Variants in MACROD2 observed in about 807,000 individuals in gnomAD.
The protein encoded by MACROD2 is ADP-ribose glycohydrolase MACROD2.
A neutral mutation model predicts 70.4 loss-of-function variants in MACROD2; 36 were observed. The observed-to-expected ratio is 0.51, with a 90% confidence interval of 0.39 to 0.68. MACROD2 has a LOEUF of 0.68. Ranked by LOEUF, MACROD2 falls within the 30% of genes least tolerant of loss-of-function variation. The pLI is 0.00. For synonymous variants in MACROD2, 172 were observed against 178.8 expected (o/e 0.96, Z 0.30); for missense variants, 496 against 538.4 (o/e 0.92, Z 0.78).
At chr20:15,967,698 A>AAT (rs1325444391) in intron 13 of MACROD2, 68 bp downstream of exon 13, 55 of 1,361,852 alleles carry the variant, frequency 4.0e-5, no homozygotes, top group Non-Finnish European at 4.0e-6. Context: ...AAAAAAAAAA[A>AAT]AAACCCACAG....
chr20:15,455,037 A>G (rs1167742332), intron 7 of MACROD2, among the ~76,000 whole-genome samples: 1 of 152,188 alleles, frequency 6.6e-6, no homozygotes, highest in African/African-American at 2.4e-5. Context: ...ATGGTCACAC[A>G]GAGACCACAA....
chr20:15,248,528 G>A (rs2077126185), intron 6 of MACROD2, among the ~76,000 whole-genome samples: 1 of 152,118 alleles, frequency 6.6e-6, no homozygotes, highest in Non-Finnish European at 1.5e-5. Context: ...CCTAACACTG[G>A]TGGTATAGGG....
intron 12 of MACROD2, among the ~76,000 whole-genome samples, chr20:15,959,792 A>G (rs1303768679): frequency 6.6e-6 from 1 of 152,098 alleles, no homozygotes; most frequent in Non-Finnish European, 1.5e-5. Flanking sequence ...TCAGCCTCCC[A>G]AAGTGCTGGG....
At chr20:15,309,616 A>G (rs188831255) in intron 6 of MACROD2, among the ~76,000 whole-genome samples, 48 of 152,344 alleles carry the variant, frequency 3.2e-4, no homozygotes, top group African/African-American at 1.1e-3. Flanking sequence ...TACTTATTAT[A>G]TATTTGCTTG....
intron 10 of MACROD2, among the ~76,000 whole-genome samples, chr20:15,886,483 CA>C (rs1438663069): frequency 6.6e-6 from 1 of 152,146 alleles, no homozygotes; most frequent in African/African-American, 2.4e-5. Flanking sequence ...AAAATGAACT[CA>C]ATCTGTTTTG....
intron 3 of MACROD2, among the ~76,000 whole-genome samples, chr20:14,238,546 G>T (rs1026269815): frequency 2.0e-5 from 3 of 152,316 alleles, no homozygotes; most frequent in African/African-American, 7.2e-5. Flanking sequence ...AGTATTGGAA[G>T]TCCTGGCCAG....
intron 3 of MACROD2, among the ~76,000 whole-genome samples, chr20:14,159,610 A>G (rs1335223548): frequency 6.6e-6 from 1 of 152,162 alleles, no homozygotes; most frequent in African/African-American, 2.4e-5. Context: ...TATCAGGTCT[A>G]AGAGTTTTTT....
chr20:14,823,176 G>A (rs574991131), intron 5 of MACROD2, among the ~76,000 whole-genome samples: 33 of 152,120 alleles, frequency 2.2e-4, no homozygotes, highest in African/African-American at 5.8e-4. Flanking sequence ...ATTCTAGGTC[G>A]TGTATATTTA....
intron 3 of MACROD2, among the ~76,000 whole-genome samples, chr20:14,417,763 G>GT (rs892956707): frequency 4.6e-5 from 7 of 152,114 alleles, no homozygotes; most frequent in Non-Finnish European, 1.0e-4. Flanking sequence ...ATTGAGTGCT[G>GT]TATTACTTCT....
At chr20:14,051,539 A>C (rs1033942898) in intron 2 of MACROD2, among the ~76,000 whole-genome samples, 1 of 152,142 alleles carries the variant, frequency 6.6e-6, no homozygotes, top group African/African-American at 2.4e-5. Context: ...CTTATTGCAC[A>C]TAGATTTTGT....
chr20:15,108,081 T>C (rs1319558992), intron 5 of MACROD2, among the ~76,000 whole-genome samples: 1 of 151,934 alleles, frequency 6.6e-6, no homozygotes, highest in Non-Finnish European at 1.5e-5. Context: ...GACTTTGGAC[T>C]CAAACAAGCT....
intron 5 of MACROD2, among the ~76,000 whole-genome samples, chr20:15,115,300 G>A (rs1014169517): frequency 6.6e-6 from 1 of 151,982 alleles, no homozygotes; most frequent in African/African-American, 2.4e-5. Context: ...CACTATCTTG[G>A]CTCACTGCTG....
At chr20:15,581,567 C>A (rs141188056) in intron 8 of MACROD2, among the ~76,000 whole-genome samples, 5 of 152,170 alleles carry the variant, frequency 3.3e-5, no homozygotes, top group Admixed American at 3.3e-4. Flanking sequence ...GTCTCTAAGG[C>A]GTTATGGAGG....
intron 8 of MACROD2, among the ~76,000 whole-genome samples, chr20:15,638,693 A>C (rs460870): frequency 0.17 from 25,170 of 152,170 alleles, 2,178 homozygotes; most frequent in Middle Eastern, 0.25. Flanking sequence ...TCTTGAATTC[A>C]TATGATAGTA....
intron 3 of MACROD2, among the ~76,000 whole-genome samples, chr20:14,296,262 T>C (rs867130688): frequency 7.2e-5 from 11 of 151,912 alleles, no homozygotes; most frequent in South Asian, 6.2e-4. Flanking sequence ...TGTGAAGATA[T>C]GAATATCTAA....
At chr20:14,926,236 C>A (rs1006417131) in intron 5 of MACROD2, among the ~76,000 whole-genome samples, 1 of 151,874 alleles carries the variant, frequency 6.6e-6, no homozygotes, top group Non-Finnish European at 1.5e-5. Context: ...TGAGAAATAT[C>A]TGAAGCAGTT....
At chr20:14,574,231 G>A (rs1980412691) in intron 4 of MACROD2, among the ~76,000 whole-genome samples, 1 of 152,018 alleles carries the variant, frequency 6.6e-6, no homozygotes, top group Non-Finnish European at 1.5e-5. Flanking sequence ...TGCTCCTTGG[G>A]CTCAGACCTC....
At chr20:14,166,463 A>C (rs753991713) in intron 3 of MACROD2, among the ~76,000 whole-genome samples, 4 of 152,154 alleles carry the variant, frequency 2.6e-5, no homozygotes, top group Non-Finnish European at 5.9e-5. Flanking sequence ...TTTGGAAAAT[A>C]GCATCTATTT....
chr20:14,813,421 A>G (rs1038588435), intron 5 of MACROD2, among the ~76,000 whole-genome samples: 9 of 144,982 alleles, frequency 6.2e-5, no homozygotes. Flanking sequence ...CTCATTGTTC[A>G]GCTCCCCACT....
Sources: allele counts gnomAD v4.1 joint callset (sites outside exome capture counted in the v4.1 genomes callset), GRCh38; gene constraint gnomAD v4.1.1; transcripts MANE v1.5; gene names NCBI Gene and HGNC (gene_info 2026-07-23, HGNC 2026-07-21).